SLMAP: variants seen among roughly 807,000 people sequenced by gnomAD.
SLMAP encodes sarcolemmal membrane-associated protein.
Under a neutral mutation model 128.8 loss-of-function variants are expected in SLMAP, and 44 were observed. The ratio of observed to expected loss-of-function variants is 0.34; its 90% CI spans 0.27 to 0.44. The LOEUF is 0.44. Among genes scored for constraint, SLMAP ranks in the 20% least tolerant of loss-of-function variants. The pLI, the probability that SLMAP is intolerant of heterozygous loss-of-function variation, is 1.00. For synonymous variants in SLMAP, 327 were observed against 348.8 expected (o/e 0.94, Z 0.70); for missense variants, 787 against 985.3 (o/e 0.80, Z 2.69).
rs753818586 is a variant in SLMAP, at chr3:57,927,385, A to G, written c.*96A>G. 5.1e-6 allele frequency: 8 copies of G among 1,571,610 alleles called. No homozygotes were observed. Among genetic ancestry groups the G allele is most frequent in the African/African-American group, 2.7e-5 (2 of 74,340 alleles). On this transcript the variant is annotated 3_prime_UTR_variant, in exon 25 of 25. Coordinates refer to ENST00000671191, the MANE Select transcript of SLMAP (RefSeq NM_001377540.1). ...TGCCAGGTCTGGCCAGAGCTTCTCC[A>G]TGAGAGCGTTCCTTGAGTCCGTACA...
intron 2 of SLMAP, among the ~76,000 whole-genome samples, chr3:57,798,558 A>G (rs751886587): frequency 3.9e-5 from 6 of 152,192 alleles, no homozygotes; most frequent in African/African-American, 7.2e-5. Flanking sequence ...AAGAGAATAT[A>G]TATTATAGCT....
Position 57,790,878 on chromosome 3 carries a change from A to G in SLMAP, c.198+33029A>G, listed in dbSNP as rs371287378. ...GCTTTGGAGCAAAGGGGTCACATAA[A>G]ATAATTTCAATTTTAGAAAACAATA... On this transcript the variant is annotated intron_variant, in intron 2 of 24. Transcript: ENST00000671191. Among the ~76,000 whole-genome samples the G allele has an allele frequency of 2.8e-4, 43 of 152,336 alleles. No individual in the cohort carries two copies. The East Asian group carries it at 6.0e-3, about 21-fold the overall frequency.
chr3:57,805,243 T>A (rs2153502571), intron 2 of SLMAP, among the ~76,000 whole-genome samples: 1 of 152,336 alleles, frequency 6.6e-6, no homozygotes, highest in Middle Eastern at 3.4e-3. Context: ...CTGTTAGTGT[T>A]ATTTTTGGAT....
chr3:57,776,393 A>G (rs1028689383), intron 2 of SLMAP, among the ~76,000 whole-genome samples: 6 of 152,008 alleles, frequency 3.9e-5, no homozygotes, highest in Non-Finnish European at 7.4e-5. Flanking sequence ...GGCAAATTCT[A>G]TGGATTTTTG....
intron 2 of SLMAP, among the ~76,000 whole-genome samples, chr3:57,770,493 T>C (rs1367698715): frequency 2.0e-5 from 3 of 151,980 alleles, no homozygotes; most frequent in Non-Finnish European, 4.4e-5. Flanking sequence ...GTTGACAAAA[T>C]TGGGGGGAAG....
At chr3:57,807,023 A>T (rs2090020717) in intron 2 of SLMAP, among the ~76,000 whole-genome samples, 1 of 152,210 alleles carries the variant, frequency 6.6e-6, no homozygotes. Context: ...CCTCACCAGC[A>T]TCTGTTGTTT....
rs575133485 is a variant in SLMAP, at chr3:57,864,481, A to C, written c.967-67A>C. The C allele has an allele frequency of 1.1e-5, 12 of 1,073,024 alleles. No individual in the cohort carries two copies. In the African/African-American group the frequency reaches 1.5e-4, roughly 13 times the overall value. 66.5% of individuals were successfully genotyped at this position (1,073,024 alleles called of 1,614,324 possible). A position where few individuals can be genotyped will look rare whatever the true frequency, so the allele number is the denominator to read the frequency against. On this transcript the variant is annotated intron_variant, in intron 10 of 24. Transcript: ENST00000671191. ...CTTAGAAGTTTAAGTGAATAAAGGC[A>C]TTCCTGGGGCTCGCTCTTAAAACAG...
At chr3:57,881,497 C>T (rs2095742359) in intron 14 of SLMAP, among the ~76,000 whole-genome samples, 1 of 152,078 alleles carries the variant, frequency 6.6e-6, no homozygotes, top group Non-Finnish European at 1.5e-5. Flanking sequence ...TTGCTCTGTT[C>T]GCCAGGCTGG....
chr3:57,759,040 G>A (rs936729042), intron 2 of SLMAP, among the ~76,000 whole-genome samples: 7 of 152,082 alleles, frequency 4.6e-5, no homozygotes, highest in Non-Finnish European at 2.9e-5. Flanking sequence ...ATGATACTTC[G>A]GCAGCTACTG....
chr3:57,861,804 G>GACTTTATTTATTT, intron 9 of SLMAP, 145 bp from the exon 10 acceptor site: 3 of 599,492 alleles, frequency 5.0e-6, no homozygotes, highest in Non-Finnish European at 8.5e-6. Flanking sequence ...TATGTTATTT[G>GACTTTATTTATTT]ACTCAGCTTT....
intron 4 of SLMAP, among the ~76,000 whole-genome samples, chr3:57,842,830 A>C: frequency 6.6e-6 from 1 of 152,068 alleles, no homozygotes; most frequent in Non-Finnish European, 1.5e-5. Flanking sequence ...CTTTCTGGAG[A>C]AGATGAATTT....
intron 11 of SLMAP, 29 bp from the exon 12 acceptor site, chr3:57,864,778 C>CTT (rs549408176): frequency 2.2e-4 from 262 of 1,215,768 alleles, no homozygotes; most frequent in South Asian, 1.1e-3. Context: ...TGTGAAATAT[C>CTT]TTTTTTTTTT....
rs925878705 is a variant in SLMAP, at chr3:57,884,808, C to CA, written c.1301-5224dup. On this transcript the variant is annotated intron_variant, in intron 14 of 24. Coordinates refer to ENST00000671191, the MANE Select transcript of SLMAP (RefSeq NM_001377540.1). Reference sequence around the variant, plus strand: ...TGGGTGATAGAGCCAGACCTTGTCTCAAAAAAAAATAAAATAAAAAAATAA... The same window carrying CA: ...TGGGTGATAGAGCCAGACCTTGTCTCAAAAAAAAAATAAAATAAAAAAATAA... 3.7e-4 allele frequency among the ~76,000 whole-genome samples: 56 copies of CA among 149,800 alleles called. No homozygotes were observed. In the East Asian group the frequency reaches 5.9e-3, roughly 16 times the overall value.
chr3:57,796,671 T>C (rs1162396176), intron 2 of SLMAP, among the ~76,000 whole-genome samples: 3 of 152,198 alleles, frequency 2.0e-5, no homozygotes, highest in Non-Finnish European at 4.4e-5. Flanking sequence ...TTATCAGAGA[T>C]GTTACATAAA....
chr3:57,780,887 C>T (rs1559960899), intron 2 of SLMAP, among the ~76,000 whole-genome samples: 1 of 151,902 alleles, frequency 6.6e-6, no homozygotes, highest in Non-Finnish European at 1.5e-5. Flanking sequence ...AAGTGATCTA[C>T]CCACCTCAGA....
intron 2 of SLMAP, among the ~76,000 whole-genome samples, chr3:57,778,801 C>T (rs1576353705): frequency 6.6e-6 from 1 of 151,976 alleles, no homozygotes; most frequent in Non-Finnish European, 1.5e-5. Context: ...TCTAGTTTCT[C>T]AAATTAGAAT....
intron 2 of SLMAP, chr3:57,800,391 C>T (rs1403764962): frequency 6.6e-6 from 1 of 152,276 alleles, no homozygotes; most frequent in Non-Finnish European, 1.5e-5. Flanking sequence ...AACTCCTGAC[C>T]TCAGGTGATC....
intron 2 of SLMAP, among the ~76,000 whole-genome samples, chr3:57,813,057 T>C (rs909267221): frequency 1.3e-5 from 2 of 151,784 alleles, no homozygotes; most frequent in Admixed American, 6.6e-5. Context: ...ATATCATCTA[T>C]AAACGGATAA....
At position 57,929,821 on chromosome 3, in the gene SLMAP, G is replaced by A. The variant is rs964598781; in HGVS notation, c.*2532G>A. Among the ~76,000 whole-genome samples the A allele has an allele frequency of 1.2e-4, 19 of 152,002 alleles. No homozygotes were observed. Among genetic ancestry groups the A allele is most frequent in the African/African-American group, 4.1e-4 (17 of 41,370 alleles). Reference sequence around the variant, plus strand: ...CTCCATTTTCTCATTTATAACATGCGGAGAATAATACTTATATTTGTGGTA... The same window carrying A: ...CTCCATTTTCTCATTTATAACATGCAGAGAATAATACTTATATTTGTGGTA... On this transcript the variant is annotated 3_prime_UTR_variant, in exon 25 of 25. Transcript: ENST00000671191.
Sources: gnomAD v4.1 joint callset for allele counts (sites outside exome capture counted in the v4.1 genomes callset) on GRCh38, gnomAD v4.1.1 for gene constraint, MANE v1.5 for transcripts, NCBI Gene and HGNC (gene_info 2026-07-23, HGNC 2026-07-21) for gene names.